Variants in OSBPL1A observed in about 807,000 individuals in gnomAD.
OSBPL1A encodes the protein oxysterol binding protein like 1A.
In OSBPL1A, 80 loss-of-function variants were observed where a neutral mutation model predicts 137.1. The observed-to-expected ratio is 0.58, with a 90% CI of 0.49 to 0.70. The LOEUF (loss-of-function observed/expected upper bound fraction) is 0.70, where lower values mean the gene tolerates loss of function less well. OSBPL1A is among the 30% of genes least tolerant of loss of function. The pLI is 0.00. For synonymous variants in OSBPL1A, 365 were observed against 389.7 expected (o/e 0.94, Z 0.75); for missense variants, 970 against 1,129.4 (o/e 0.86, Z 2.02).
At chr18:24,322,186 T>A (rs577640597) in intron 7 of OSBPL1A, among the ~76,000 whole-genome samples, 1 of 149,368 alleles carries the variant, frequency 6.7e-6, no homozygotes, top group Admixed American at 6.7e-5. Flanking sequence ...CTCAGCTCAC[T>A]GCAAGCTCTG....
In OSBPL1A at chr18:24,384,687, T is replaced by G. The variant is rs182214087; in HGVS notation, c.-2-7152A>C. ...GAGTTCCGGACCAGCGTGGCCAACA[T>G]GGTGAAACCCCGTCTCTACTAAAAA... is the stretch of plus-strand genomic sequence containing the variant. On this transcript the variant is annotated intron_variant, in intron 1 of 27. Coordinates refer to ENST00000319481, the MANE Select transcript of OSBPL1A (RefSeq NM_080597.4). Among the ~76,000 whole-genome samples the G allele has an allele frequency of 2.0e-5, 3 of 151,994 alleles. No homozygotes were observed. The East Asian group carries it at 5.9e-4, about 30-fold the overall frequency.
chr18:24,385,235 T>C (rs1906885067), intron 1 of OSBPL1A, among the ~76,000 whole-genome samples: 1 of 152,060 alleles, frequency 6.6e-6, no homozygotes, highest in African/African-American at 2.4e-5. Context: ...ATTACAGGCA[T>C]GAGCCACCGC....
chr18:24,197,997 A>T (rs2087088729), intron 17 of OSBPL1A, among the ~76,000 whole-genome samples: 1 of 152,016 alleles, frequency 6.6e-6, no homozygotes, highest in African/African-American at 2.4e-5. Flanking sequence ...CATGTTGGCC[A>T]GGTTGGTCTT....
chr18:24,252,564 A>G (rs1158835286), intron 15 of OSBPL1A, among the ~76,000 whole-genome samples: 1 of 152,166 alleles, frequency 6.6e-6, no homozygotes, highest in African/African-American at 2.4e-5. Context: ...GACGTGTCCT[A>G]CAAGAAATGC....
In OSBPL1A at chr18:24,312,020, A is replaced by ATCT. The variant is rs777953949; in HGVS notation, c.1053_1055dup (p.Glu351dup). 5 of 1,613,980 alleles carry ATCT rather than the reference A, an allele frequency of 3.1e-6. No individual in the cohort carries two copies. The African/African-American group carries it at 6.7e-5, about 22-fold the overall frequency. On this transcript the variant is annotated inframe_insertion, in exon 13 of 28. Coordinates refer to ENST00000319481, the MANE Select transcript of OSBPL1A (RefSeq NM_080597.4). ...TCTTCAGGTCTGCAGCAGAAACCGT[A>ATCT]TCTTCCTCCTCCTCATCAGTCAGCT...
intron 1 of OSBPL1A, among the ~76,000 whole-genome samples, chr18:24,397,350 G>A (rs540452614): frequency 2.1e-4 from 32 of 152,350 alleles, no homozygotes; most frequent in African/African-American, 7.2e-4. Context: ...AGATCTGGTA[G>A]GGGATGCATG....
At chr18:24,199,279 A>G (rs950586584) in intron 17 of OSBPL1A, among the ~76,000 whole-genome samples, 8 of 152,130 alleles carry the variant, frequency 5.3e-5, no homozygotes, top group African/African-American at 1.9e-4. Flanking sequence ...AAAGCTAGAG[A>G]AACAAAAGCT....
Position 24,289,689 on chromosome 18 carries a change from G to A in OSBPL1A, c.1175-8741C>T, listed in dbSNP as rs150380826. Among the ~76,000 whole-genome samples, 472 of 152,162 alleles carry A rather than the reference G, an allele frequency of 3.1e-3. 5 individuals carry two copies. Among genetic ancestry groups the A allele is most frequent in the African/African-American group, 0.011 (437 of 41,510 alleles). ...GCCGCCTCAGCCTCCCAAAGTGCTC[G>A]GATTACAGGCATGAGCCACCATGCC... On this transcript the variant is annotated intron_variant, in intron 14 of 27. Coordinates refer to ENST00000319481, the MANE Select transcript of OSBPL1A (RefSeq NM_080597.4).
intron 15 of OSBPL1A, among the ~76,000 whole-genome samples, chr18:24,251,572 G>C (rs778004479): frequency 5.9e-5 from 9 of 152,098 alleles, no homozygotes; most frequent in Middle Eastern, 3.2e-3. Flanking sequence ...AAGTCTCTTC[G>C]AATACCTGGA....
intron 4 of OSBPL1A, among the ~76,000 whole-genome samples, chr18:24,362,135 T>A (rs183785728): frequency 3.3e-5 from 5 of 152,122 alleles, no homozygotes; most frequent in African/African-American, 4.8e-5. Flanking sequence ...TAGGAAAGAA[T>A]TTATGGATAT....
chr18:24,266,789 T>C (rs17203195), intron 15 of OSBPL1A, among the ~76,000 whole-genome samples: 43,643 of 150,228 alleles, frequency 0.29, 7,786 homozygotes, highest in Non-Finnish European at 0.39. Flanking sequence ...AAGCTAACAG[T>C]GATACATTCA....
At chr18:24,387,890 G>A (rs1316872003) in intron 1 of OSBPL1A, among the ~76,000 whole-genome samples, 2 of 151,914 alleles carry the variant, frequency 1.3e-5, no homozygotes, top group Non-Finnish European at 2.9e-5. Context: ...ACCAGAAGCT[G>A]CAGTTTCCCT....
At position 24,338,604 on chromosome 18, in the gene OSBPL1A, A is replaced by C. The variant is rs529611033; in HGVS notation, c.394+2943T>G. On this transcript the variant is annotated intron_variant, in intron 5 of 27. Coordinates refer to ENST00000319481, the MANE Select transcript of OSBPL1A (RefSeq NM_080597.4). ...ACAAGTAAGATCATCCCTTCTCCCAAGTAACAGCTCTCAGGTACTTGAGTA... is the reference window on the plus strand; with the variant it reads ...ACAAGTAAGATCATCCCTTCTCCCACGTAACAGCTCTCAGGTACTTGAGTA... Among the ~76,000 whole-genome samples, 4 of 152,310 alleles carry C rather than the reference A, an allele frequency of 2.6e-5. No homozygotes were observed. In the East Asian group the frequency reaches 5.8e-4, roughly 22 times the overall value.
rs1567920246 is a variant in OSBPL1A at position 24,175,125 on chromosome 18, TATATATATATAC to T, written c.2094-2654_2094-2643del. Among the ~76,000 whole-genome samples the T allele has an allele frequency of 2.3e-4, 30 of 130,936 alleles. 2 individuals are homozygous for T. Among genetic ancestry groups the T allele is most frequent in the African/African-American group, 9.7e-4 (29 of 29,852 alleles). 85.9% of individuals were successfully genotyped at this position (130,936 alleles called of 152,430 possible). On this transcript the variant is annotated intron_variant, in intron 21 of 27. Transcript: ENST00000319481. ...ATGTGTATGTATATATATATATATATATATATATATACACATATATATATATATATGAAGTAT... is the reference window on the plus strand; with the variant it reads ...ATGTGTATGTATATATATATATATATACATATATATATATATATGAAGTAT...
chr18:24,278,429 T>C (rs1252925783), intron 15 of OSBPL1A, among the ~76,000 whole-genome samples: 2 of 152,230 alleles, frequency 1.3e-5, no homozygotes, highest in Non-Finnish European at 2.9e-5. Flanking sequence ...GCTTACTATG[T>C]GTCTGGTACT....
intron 18 of OSBPL1A, among the ~76,000 whole-genome samples, chr18:24,193,910 T>C (rs913084525): frequency 2.0e-5 from 3 of 152,190 alleles, no homozygotes; most frequent in African/African-American, 7.2e-5. Context: ...TGCCTAAACA[T>C]AAAAGTAAAA....
Position 24,225,104 on chromosome 18 carries a change from T to A in OSBPL1A, c.1539A>T (p.Arg513Ser). 1 of 1,614,176 alleles carries A rather than the reference T, an allele frequency of 6.2e-7. No homozygotes were observed. Among genetic ancestry groups the A allele is most frequent in the Non-Finnish European group, 8.5e-7 (1 of 1,180,028 alleles). The change falls in exon 17 of 28, where the codon AGA becomes AGT. Residue 513 changes from arginine to serine, a missense_variant. Arg to Ser is a moderately radical substitution (Grantham distance 110, BLOSUM62 -1). This residue lies in a region of OSBPL1A where 647 missense variants were observed against 672.6 expected (regional missense o/e 0.96). Transcript: ENST00000319481. Reference protein sequence around the residue: ...EGEHLGSRKHRMSEEKDCGGG... With the variant: ...EGEHLGSRKHSMSEEKDCGGG... ...CACCACAGTCTTTTTCTTCGGACATTCTGTGTTTTCTACTGCCCAAATGCT... is the reference window on the plus strand; with the variant it reads ...CACCACAGTCTTTTTCTTCGGACATACTGTGTTTTCTACTGCCCAAATGCT...
intron 14 of OSBPL1A, among the ~76,000 whole-genome samples, chr18:24,292,499 A>G (rs1476718045): frequency 1.3e-5 from 2 of 152,152 alleles, no homozygotes; most frequent in Admixed American, 6.5e-5. Flanking sequence ...TAGGTCATTC[A>G]TTTCACTCAC....
chr18:24,314,460 C>T, intron 11 of OSBPL1A, 113 bp from the exon 12 acceptor site: 2 of 650,176 alleles, frequency 3.1e-6, no homozygotes, highest in Non-Finnish European at 5.1e-6. Flanking sequence ...CCCAGTTGAA[C>T]ACTTAAGTAT....
Sources: gnomAD v4.1 joint callset for allele counts (sites outside exome capture counted in the v4.1 genomes callset) on GRCh38, gnomAD v4.1.1 for gene constraint, gnomAD v4.1.1 regional missense constraint, MANE v1.5 for transcripts, NCBI Gene and HGNC (gene_info 2026-07-23, HGNC 2026-07-21) for gene names.